The following HMGN3 variants were observed in gnomAD, a reference collection of about 807,000 sequenced individuals.
HMGN3 encodes the protein high mobility group nucleosomal binding domain 3, also known as high mobility group nucleosome-binding domain-containing protein 3.
In HMGN3, 6 loss-of-function variants were observed where a neutral mutation model predicts 18.8. The ratio of observed to expected loss-of-function variants is 0.32; its 90% confidence interval spans 0.18 to 0.63. The LOEUF (loss-of-function observed/expected upper bound fraction) is 0.63. HMGN3 is among the 30% of genes least tolerant of loss of function. HMGN3 has a pLI of 0.79. For missense variants in HMGN3, 107 were observed against 114.2 expected, an observed-to-expected ratio of 0.94 and a Z score of 0.29; for synonymous variants, 40 against 36.5, an observed-to-expected ratio of 1.10 and a Z score of -0.35.
intron 1 of HMGN3, among the ~76,000 whole-genome samples, chr6:79,221,451 C>T (rs1460142781): frequency 6.6e-6 from 1 of 152,178 alleles, no homozygotes; most frequent in Non-Finnish European, 1.5e-5. Context: ...CTGTATTTTC[C>T]TTAAGTCTTT....
intron 4 of HMGN3, 67 bp from the exon 5 acceptor site, chr6:79,202,456 C>G (rs1776192236): frequency 5.6e-6 from 7 of 1,254,870 alleles, no homozygotes; most frequent in Non-Finnish European, 8.2e-6. Flanking sequence ...TAAAATCAAT[C>G]AGCCTCTGTC....
At chr6:79,201,682 G>A in exon 6 of HMGN3, 4 of 1,567,960 alleles carry the variant, frequency 2.6e-6, no homozygotes, top group Non-Finnish European at 3.5e-6. Flanking sequence ...AATTTTTCAT[G>A]ACAATTCATT....
chr6:79,223,812 C>A (rs963627015), intron 1 of HMGN3, among the ~76,000 whole-genome samples: 1 of 151,434 alleles, frequency 6.6e-6, no homozygotes, highest in Non-Finnish European at 1.5e-5. Flanking sequence ...AATCAGAAGC[C>A]TGAATTCCAG....
At position 79,205,506 on chromosome 6, in the gene HMGN3, G is replaced by A. The variant is rs911199964; in HGVS notation, c.97-1876C>T. Among the ~76,000 whole-genome samples, 5 of 152,332 alleles carry A rather than the reference G, an allele frequency of 3.3e-5. No homozygotes were observed. The South Asian group carries it at 8.3e-4, about 25-fold the overall frequency. ...CCACCATCCACGTAAGACATAATTT[G>A]CTCCTTTTGTCTTTCTCCATGATTG... On this transcript the variant is annotated intron_variant, in intron 3 of 5. Coordinates refer to ENST00000344726, the Ensembl canonical transcript of HMGN3.
intron 1 of HMGN3, among the ~76,000 whole-genome samples, chr6:79,231,926 C>G (rs1199656416): frequency 6.6e-6 from 1 of 152,124 alleles, no homozygotes; most frequent in Non-Finnish European, 1.5e-5. Context: ...ACTGTATGTC[C>G]CTACAGCATT....
intron 5 of HMGN3, 129 bp downstream of exon 6, chr6:79,201,933 CT>C: frequency 6.9e-7 from 1 of 1,442,114 alleles, no homozygotes; most frequent in Non-Finnish European, 9.0e-7. Context: ...TTGCTTTCTG[CT>C]TTTCAAACCA....
At chr6:79,203,546 T>A in intron 4 of HMGN3, 34 bp downstream of exon 4, 1 of 1,581,616 alleles carries the variant, frequency 6.3e-7, no homozygotes, top group South Asian at 1.1e-5. Flanking sequence ...ATTCATTGTT[T>A]AAAAAGCCAA....
intron 1 of HMGN3, among the ~76,000 whole-genome samples, chr6:79,219,919 A>C (rs1395462336): frequency 1.3e-5 from 2 of 152,202 alleles, no homozygotes; most frequent in Non-Finnish European, 2.9e-5. Context: ...AGGTTGCTCC[A>C]AACATTTATA....
rs141375938 is a variant in HMGN3 at position 79,210,175 on chromosome 6, G to A, written c.67-1599C>T. Among the ~76,000 whole-genome samples the A allele has an allele frequency of 2.8e-3, 424 of 152,202 alleles. 3 individuals carry two copies. The highest frequency in any genetic ancestry group is 9.8e-3 in the African/African-American group (406 of 41,524). On this transcript the variant is annotated intron_variant, in intron 2 of 5. Transcript: ENST00000344726. ...AATACCTTTCCCAGCATGGTTAACC[G>A]TATTAAGTATACTGAAGGCAACATT...
chr6:79,215,814 T>C (rs1245332320), intron 1 of HMGN3, among the ~76,000 whole-genome samples: 99 of 152,330 alleles, frequency 6.5e-4, no homozygotes, highest in Non-Finnish European at 2.4e-4. Context: ...CTAAGAGTTA[T>C]TAAATAATAT....
intron 2 of HMGN3, among the ~76,000 whole-genome samples, chr6:79,214,671 T>G (rs1239493136): frequency 6.6e-6 from 1 of 152,202 alleles, no homozygotes; most frequent in East Asian, 1.9e-4. Context: ...ATTATCTTAC[T>G]CTTTGCCCAG....
intron 2 of HMGN3, among the ~76,000 whole-genome samples, chr6:79,214,452 C>T (rs1159698501): frequency 1.3e-5 from 2 of 152,146 alleles, no homozygotes; most frequent in African/African-American, 2.4e-5. Flanking sequence ...CCGCCCGCCT[C>T]GGCCACCCAA....
chr6:79,208,344 G>C (rs1169729513), intron 3 of HMGN3, among the ~76,000 whole-genome samples: 1 of 152,154 alleles, frequency 6.6e-6, no homozygotes, highest in Non-Finnish European at 1.5e-5. Context: ...TATGGGGCTG[G>C]CCACTGTTTT....
At chr6:79,208,804 C>T (rs183680735) in intron 2 of HMGN3, among the ~76,000 whole-genome samples, 64 of 152,226 alleles carry the variant, frequency 4.2e-4, no homozygotes, top group East Asian at 1.2e-3. Flanking sequence ...TTCAAATAAA[C>T]GGCTTCTCCC....
chr6:79,208,376 A>G (rs1279273576), intron 3 of HMGN3, among the ~76,000 whole-genome samples, 171 bp downstream of exon 3: 3 of 152,192 alleles, frequency 2.0e-5, no homozygotes, highest in African/African-American at 7.2e-5. Flanking sequence ...TGATCAAGTG[A>G]ATTGCTTGGC....
intron 4 of HMGN3, among the ~76,000 whole-genome samples, 156 bp downstream of exon 4, chr6:79,203,424 G>A (rs924367960): frequency 6.6e-6 from 1 of 152,200 alleles, no homozygotes; most frequent in African/African-American, 2.4e-5. Flanking sequence ...TATTAACGCA[G>A]AAAACTGTGC....
intron 4 of HMGN3, among the ~76,000 whole-genome samples, chr6:79,203,116 A>G (rs1582396014): frequency 6.6e-6 from 1 of 152,064 alleles, no homozygotes; most frequent in Non-Finnish European, 1.5e-5. Flanking sequence ...AAAGCAATCA[A>G]CCTTATCTGC....
intron 2 of HMGN3, among the ~76,000 whole-genome samples, chr6:79,210,064 G>A (rs769820288): frequency 6.6e-6 from 1 of 152,108 alleles, no homozygotes; most frequent in Non-Finnish European, 1.5e-5. Context: ...ATTCTCCATA[G>A]GAACCATAGT....
intron 1 of HMGN3, among the ~76,000 whole-genome samples, chr6:79,221,176 A>AT (rs1196467960): frequency 6.6e-6 from 1 of 152,170 alleles, no homozygotes; most frequent in Non-Finnish European, 1.5e-5. Flanking sequence ...TACTCACAGC[A>AT]TTTTTTCTAT....
Sources: allele counts gnomAD v4.1 joint callset (sites outside exome capture counted in the v4.1 genomes callset), GRCh38; gene constraint gnomAD v4.1.1; transcripts MANE v1.5; gene names NCBI Gene and HGNC (gene_info 2026-07-23, HGNC 2026-07-21).